Variants in PRMT3 observed in about 807,000 individuals in gnomAD.
PRMT3 encodes the protein protein arginine N-methyltransferase 3.
Under a neutral mutation model 71.9 loss-of-function variants are expected in PRMT3, and 62 were observed. That is an observed-to-expected ratio of 0.86 (90% confidence interval 0.70 to 1.07). The LOEUF (loss-of-function observed/expected upper bound fraction) is 1.07, where lower values mean the gene tolerates loss of function less well. PRMT3 is among the 50% of genes least tolerant of loss of function. PRMT3 has a pLI of 0.00. For synonymous variants in PRMT3, 213 were observed against 220.4 expected (o/e 0.97, Z 0.30); for missense variants, 663 against 643.0 (o/e 1.03, Z -0.34).
In PRMT3 at chr11:20,497,662, G is replaced by A. The variant is rs777974666; in HGVS notation, c.1486+3408G>A. On this transcript the variant is annotated intron_variant, in intron 15 of 15. Transcript: ENST00000331079. Reference sequence around the variant, plus strand: ...CAAAAAGATCTATAGGAAGACTCCCGGAGTTTTACGCAAGTAATAAGATGT... The same window carrying A: ...CAAAAAGATCTATAGGAAGACTCCCAGAGTTTTACGCAAGTAATAAGATGT... 7.9e-5 allele frequency among the ~76,000 whole-genome samples: 12 copies of A among 152,084 alleles called. 1 individual carries two copies. The highest frequency in any genetic ancestry group is 1.4e-4 in the African/African-American group (6 of 41,404).
intron 9 of PRMT3, among the ~76,000 whole-genome samples, chr11:20,420,566 G>A (rs563422554): frequency 2.0e-5 from 3 of 152,262 alleles, no homozygotes; most frequent in South Asian, 2.1e-4. Flanking sequence ...TGTGAACTGC[G>A]TATGCGAGGG....
chr11:20,464,275 C>G (rs1452862953), intron 12 of PRMT3, among the ~76,000 whole-genome samples, 185 bp from the exon 13 acceptor site: 3 of 152,060 alleles, frequency 2.0e-5, no homozygotes, highest in Non-Finnish European at 4.4e-5. Context: ...AGTACTAGTA[C>G]TCCTTAAACT....
At chr11:20,422,994 A>G (rs1387113292) in intron 9 of PRMT3, among the ~76,000 whole-genome samples, 8 of 152,208 alleles carry the variant, frequency 5.3e-5, no homozygotes, top group Non-Finnish European at 1.2e-4. Flanking sequence ...TATGTAGGGA[A>G]GGAAGGACCG....
chr11:20,440,732 A>G lies in PRMT3; in HGVS notation c.994-11398A>G, dbSNP rs143733379. On this transcript the variant is annotated intron_variant, in intron 10 of 15. Transcript: ENST00000331079. ...TTTTACAAAGAAAAAATTTGAAATT[A>G]TATTGAAGCATCCACTGAGTACTTA... Among the ~76,000 whole-genome samples, 1,426 of 152,184 alleles carry G rather than the reference A, an allele frequency of 9.4e-3. 18 individuals are homozygous for G. Among genetic ancestry groups the G allele is most frequent in the African/African-American group, 0.033 (1,357 of 41,520 alleles).
intron 8 of PRMT3, chr11:20,406,424 C>G (rs1849072129): frequency 6.6e-6 from 1 of 152,186 alleles, no homozygotes; most frequent in South Asian, 2.1e-4. Context: ...CGGCTTATTG[C>G]ACTTAGCATA....
At chr11:20,425,106 TAAA>T (rs35341753) in intron 9 of PRMT3, among the ~76,000 whole-genome samples, 4 of 136,546 alleles carry the variant, frequency 2.9e-5, no homozygotes, top group Non-Finnish European at 3.2e-5. Context: ...ACCCTGTCTT[TAAA>T]AAAAAAAAAA....
chr11:20,422,609 C>G (rs188486134), intron 9 of PRMT3, among the ~76,000 whole-genome samples: 5 of 152,078 alleles, frequency 3.3e-5, no homozygotes, highest in Non-Finnish European at 7.4e-5. Flanking sequence ...CATTTCCTAC[C>G]GAGGTTAGGT....
At chr11:20,415,017 G>GGTGGGT (rs1555009389) in intron 9 of PRMT3, among the ~76,000 whole-genome samples, 1 of 135,316 alleles carries the variant, frequency 7.4e-6, no homozygotes, top group African/African-American at 2.6e-5. Flanking sequence ...TGGTGGTAGT[G>GGTGGGT]GTGTGTGTGT....
At chr11:20,390,646 T>G (rs1309412752) in intron 3 of PRMT3, among the ~76,000 whole-genome samples, 1 of 152,246 alleles carries the variant, frequency 6.6e-6, no homozygotes, top group Non-Finnish European at 1.5e-5. Context: ...ATTAAGGCCT[T>G]CCACTTTAAA....
intron 10 of PRMT3, among the ~76,000 whole-genome samples, chr11:20,444,211 C>CA (rs201063925): frequency 0.011 from 1,690 of 152,032 alleles, 41 homozygotes; most frequent in African/African-American, 0.039. Context: ...CCCTGGTCCC[C>CA]AAAAAAATGT....
chr11:20,407,059 T>C (rs1165467406), intron 8 of PRMT3: 1 of 152,178 alleles, frequency 6.6e-6, no homozygotes, highest in African/African-American at 2.4e-5. Context: ...TTGTTAGCAC[T>C]GGACTCCCTA....
At position 20,464,590 on chromosome 11, in the gene PRMT3, A is replaced by G. The variant is rs953590226; in HGVS notation, c.1347+44A>G. 3.1e-6 allele frequency: 5 copies of G among 1,602,530 alleles called. No individual in the cohort carries two copies. The African/African-American group carries it at 6.7e-5, about 22-fold the overall frequency. ...CTTTTACAAATTTCACTAGCAGTGC[A>G]GTTGATTGGCAGGCTAATGAGTTTA... On this transcript the variant is annotated intron_variant, in intron 13 of 15. Transcript: ENST00000331079.
At chr11:20,486,368 A>G (rs1249108039) in intron 13 of PRMT3, among the ~76,000 whole-genome samples, 1 of 152,224 alleles carries the variant, frequency 6.6e-6, no homozygotes, top group Non-Finnish European at 1.5e-5. Context: ...GACATATCCT[A>G]GTGAAACTAC....
intron 13 of PRMT3, among the ~76,000 whole-genome samples, chr11:20,479,306 C>T (rs1458605734): frequency 2.0e-5 from 3 of 152,102 alleles, no homozygotes; most frequent in Admixed American, 6.5e-5. Context: ...ATGCTAGGAG[C>T]TGAGAGGTAT....
At position 20,508,544 on chromosome 11, in the gene PRMT3, GAGA is replaced by G. The variant is rs746881535; in HGVS notation, c.*134_*136del. The G allele has an allele frequency of 4.4e-5, 32 of 725,310 alleles. No individual in the cohort carries two copies. Among genetic ancestry groups the G allele is most frequent in the Non-Finnish European group, 7.3e-5 (29 of 395,644 alleles). The allele number at this position is 725,310 out of a possible 1,614,324, so 44.9% of individuals were successfully genotyped here. A position where few individuals can be genotyped will look rare whatever the true frequency, so the allele number is the denominator to read the frequency against. On this transcript the variant is annotated 3_prime_UTR_variant, in exon 16 of 16. Transcript: ENST00000331079. Reference sequence around the variant, plus strand: ...TTCCTAATGAGCCTCCTCAATAAGAGAGAAGTTCTCATTGTGGGAATCTGACAT... The same window carrying G: ...TTCCTAATGAGCCTCCTCAATAAGAGAGTTCTCATTGTGGGAATCTGACAT...
chr11:20,435,221 T>A (rs1214385770), intron 10 of PRMT3, among the ~76,000 whole-genome samples: 4 of 152,148 alleles, frequency 2.6e-5, no homozygotes, highest in South Asian at 2.1e-4. Flanking sequence ...GATATTTTTT[T>A]AATTCATTTA....
intron 13 of PRMT3, among the ~76,000 whole-genome samples, chr11:20,475,353 G>T (rs941583238): frequency 6.6e-6 from 1 of 152,168 alleles, no homozygotes; most frequent in African/African-American, 2.4e-5. Context: ...TGTGGGTTGA[G>T]ATGTTTGCCC....
At chr11:20,418,338 G>A (rs1280950132) in intron 9 of PRMT3, among the ~76,000 whole-genome samples, 2 of 151,974 alleles carry the variant, frequency 1.3e-5, no homozygotes, top group Non-Finnish European at 1.5e-5. Context: ...TTTTTTTCAC[G>A]AATGGAAAAA....
At chr11:20,494,339 A>C in intron 15 of PRMT3, 85 bp downstream of exon 15, 2 of 1,173,178 alleles carry the variant, frequency 1.7e-6, no homozygotes, top group South Asian at 1.3e-5. Context: ...TTTTATGTGC[A>C]CACTATATTT....
Sources: gnomAD v4.1 joint callset for allele counts (sites outside exome capture counted in the v4.1 genomes callset) on GRCh38, gnomAD v4.1.1 for gene constraint, MANE v1.5 for transcripts, NCBI Gene and HGNC (gene_info 2026-07-23, HGNC 2026-07-21) for gene names.